The following PTK2 variants were observed in gnomAD, a reference collection of about 807,000 sequenced individuals.
PTK2 encodes protein tyrosine kinase 2, also known as focal adhesion kinase 1.
PTK2 carries 45 observed loss-of-function variants against 150.1 expected under a neutral mutation model. The ratio of observed to expected loss-of-function variants is 0.30; its 90% CI spans 0.24 to 0.38. PTK2 has a LOEUF of 0.38. Ranked by LOEUF, PTK2 falls within the 10% of genes least tolerant of loss-of-function variation. The pLI, the probability that PTK2 is intolerant of heterozygous loss-of-function variation, is 1.00. For synonymous variants in PTK2, 432 were observed against 449.2 expected (o/e 0.96, Z 0.48); for missense variants, 919 against 1,307.3 (o/e 0.70, Z 4.58).
chr8:140,972,379 C>A (rs982173061), intron 1 of PTK2, among the ~76,000 whole-genome samples: 1 of 152,164 alleles, frequency 6.6e-6, no homozygotes. Context: ...ATTCACCTGC[C>A]TCGGCCTCCC....
intron 1 of PTK2, among the ~76,000 whole-genome samples, chr8:140,965,580 A>C (rs2100184968): frequency 6.6e-6 from 1 of 152,172 alleles, no homozygotes; most frequent in African/African-American, 2.4e-5. Context: ...CCTCCAAGTA[A>C]ACAACAATAT....
chr8:140,724,159 G>C (rs1198961124), intron 22 of PTK2, among the ~76,000 whole-genome samples: 2 of 152,340 alleles, frequency 1.3e-5, no homozygotes, highest in African/African-American at 4.8e-5. Context: ...TCTCTGGTGA[G>C]TTATGCAATT....
intron 26 of PTK2, among the ~76,000 whole-genome samples, chr8:140,697,443 T>C (rs1471246199): frequency 1.3e-5 from 2 of 151,362 alleles, no homozygotes; most frequent in African/African-American, 2.4e-5. Flanking sequence ...TGTGTGTGTG[T>C]GTGTGTGTGT....
intron 7 of PTK2, among the ~76,000 whole-genome samples, chr8:140,845,191 C>T (rs921270800): frequency 6.6e-6 from 1 of 152,040 alleles, no homozygotes; most frequent in Non-Finnish European, 1.5e-5. Flanking sequence ...TTCTAAATTG[C>T]GAATCTCATC....
intron 31 of PTK2, among the ~76,000 whole-genome samples, 176 bp from the exon 36 acceptor site, chr8:140,659,854 A>G (rs1350198476): frequency 1.3e-5 from 2 of 152,124 alleles, no homozygotes; most frequent in African/African-American, 4.8e-5. Flanking sequence ...CAAGCCCTGC[A>G]CCAATGAACT....
intron 31 of PTK2, among the ~76,000 whole-genome samples, chr8:140,661,551 C>A (rs2080026537): frequency 1.3e-5 from 2 of 152,214 alleles, no homozygotes; most frequent in African/African-American, 4.8e-5. Flanking sequence ...AAAATCAACA[C>A]AGATTTGGGA....
intron 1 of PTK2, among the ~76,000 whole-genome samples, chr8:140,974,374 A>T (rs1288227879): frequency 6.6e-6 from 1 of 152,166 alleles, no homozygotes; most frequent in Non-Finnish European, 1.5e-5. Flanking sequence ...GAATACTAAG[A>T]TACGTTAATA....
At chr8:140,746,837 G>A (rs750472122) in exon 18 of PTK2, 15 of 1,612,048 alleles carry the variant, frequency 9.3e-6, no homozygotes, top group Admixed American at 5.0e-5. Flanking sequence ...ACAATATGAG[G>A]ATGGTCAAAC....
intron 4 of PTK2, among the ~76,000 whole-genome samples, chr8:140,868,956 T>C (rs926198572): frequency 2.6e-5 from 4 of 152,336 alleles, no homozygotes; most frequent in African/African-American, 4.8e-5. Flanking sequence ...CTGGTTTTAC[T>C]AGCTATATTA....
At chr8:140,991,291 C>T (rs1569546216) in intron 1 of PTK2, among the ~76,000 whole-genome samples, 1 of 152,240 alleles carries the variant, frequency 6.6e-6, no homozygotes, top group Admixed American at 6.5e-5. Context: ...AATTTTTCAG[C>T]ACCAAAACAA....
intron 2 of PTK2, among the ~76,000 whole-genome samples, chr8:140,908,363 G>C (rs541733771): frequency 1.3e-4 from 20 of 152,346 alleles, no homozygotes; most frequent in East Asian, 1.2e-3. Context: ...AAAAGTACAA[G>C]ATGAAGCAGC....
At chr8:140,914,239 G>A (rs2100164304) in intron 2 of PTK2, among the ~76,000 whole-genome samples, 1 of 151,866 alleles carries the variant, frequency 6.6e-6, no homozygotes, top group South Asian at 2.1e-4. Context: ...AATATTCAGG[G>A]ATAACTGTTT....
chr8:140,704,203 A>G (rs922896776), intron 24 of PTK2, among the ~76,000 whole-genome samples: 1 of 152,244 alleles, frequency 6.6e-6, no homozygotes. Flanking sequence ...AGTTTTCTAC[A>G]TAATAGTAAC....
chr8:140,826,810 C>A (rs1448739537), intron 8 of PTK2, among the ~76,000 whole-genome samples: 1 of 152,044 alleles, frequency 6.6e-6, no homozygotes, highest in South Asian at 2.1e-4. Context: ...CCCAGCTACT[C>A]AGGTGGCTAA....
chr8:140,886,034 A>G (rs908850738), intron 3 of PTK2, among the ~76,000 whole-genome samples: 7 of 152,196 alleles, frequency 4.6e-5, no homozygotes, highest in Admixed American at 4.6e-4. Context: ...CAGCTACTGA[A>G]GAAGAGCTCA....
chr8:140,693,594 A>T (rs2153909603), intron 26 of PTK2, among the ~76,000 whole-genome samples: 1 of 113,218 alleles, frequency 8.8e-6, no homozygotes, highest in Non-Finnish European at 2.0e-5. Flanking sequence ...AAAAAAAAAA[A>T]AAAAAAAAGG....
intron 17 of PTK2, 33 bp downstream of exon 20, chr8:140,752,199 A>ATGTTCT (rs1358326246): frequency 6.5e-7 from 1 of 1,542,280 alleles, no homozygotes; most frequent in Non-Finnish European, 8.9e-7. Context: ...TAGAAAGTCA[A>ATGTTCT]ATGGAGTTCC....
At chr8:140,831,084 T>C (rs572690969) in intron 7 of PTK2, among the ~76,000 whole-genome samples, 2 of 152,334 alleles carry the variant, frequency 1.3e-5, no homozygotes, top group East Asian at 3.9e-4. Flanking sequence ...GATAAATTTA[T>C]GCCCTAGGTA....
At chr8:140,991,995 A>C (rs923011879) in intron 1 of PTK2, among the ~76,000 whole-genome samples, 3 of 151,854 alleles carry the variant, frequency 2.0e-5, no homozygotes, top group Non-Finnish European at 4.4e-5. Flanking sequence ...CAAAACAAAA[A>C]AAAATGAAAC....
Sources: allele counts gnomAD v4.1 joint callset (sites outside exome capture counted in the v4.1 genomes callset), GRCh38; gene constraint gnomAD v4.1.1; transcripts MANE v1.5; gene names NCBI Gene and HGNC (gene_info 2026-07-23, HGNC 2026-07-21).